The following ARHGEF18 variants were observed in gnomAD, a reference collection of about 807,000 sequenced individuals.
ARHGEF18 encodes the protein rho guanine nucleotide exchange factor 18.
ARHGEF18 carries 93 observed loss-of-function variants against 155.7 expected under a neutral mutation model. That is an observed-to-expected ratio of 0.60 (90% CI 0.50 to 0.71). The LOEUF is 0.71. ARHGEF18 is among the 30% of genes least tolerant of loss of function. ARHGEF18 has a pLI of 0.00. For synonymous variants in ARHGEF18, 742 were observed against 753.1 expected, an observed-to-expected ratio of 0.99 and a Z score of 0.24; for missense variants, 1,593 against 1,816.1, an observed-to-expected ratio of 0.88 and a Z score of 2.23.
In ARHGEF18 at chr19:7,464,436, G is replaced by A. The variant is rs967760836; in HGVS notation, c.2774-124G>A. On this transcript the variant is annotated intron_variant, in intron 22 of 28. Transcript: ENST00000668164. The stretch of plus-strand genomic sequence containing the variant: ...CCCCTCTCCAGCAGGCGTCTGTGCT[G>A]CAGACGCCACCATTCGGGCCTAGCC... 6.6e-5 allele frequency: 80 copies of A among 1,219,284 alleles called. No individual in the cohort carries two copies. The African/African-American group carries it at 9.4e-4, about 14-fold the overall frequency. 75.5% of individuals were successfully genotyped at this position (1,219,284 alleles called of 1,614,324 possible).
chr19:7,478,164 G>T, the ARHGEF18 span: 1 of 787,470 alleles, frequency 1.3e-6, no homozygotes, highest in Non-Finnish European at 2.0e-6. Flanking sequence ...TCTGTAAAAG[G>T]TACCGCCACC....
intron 10 of ARHGEF18, among the ~76,000 whole-genome samples, chr19:7,405,674 G>A (rs745425926): frequency 2.3e-4 from 35 of 151,634 alleles, no homozygotes; most frequent in Non-Finnish European, 3.7e-4. Flanking sequence ...GCAGTGGTGC[G>A]ATCATAGCTC....
intron 10 of ARHGEF18, chr19:7,394,982 C>T: frequency 1.1e-6 from 1 of 920,216 alleles, no homozygotes; most frequent in Non-Finnish European, 1.3e-6. Flanking sequence ...GCCGAGCCGA[C>T]GCCCCCTCAC....
intron 17 of ARHGEF18, among the ~76,000 whole-genome samples, chr19:7,455,788 C>A (rs144678732): frequency 3.3e-5 from 5 of 152,156 alleles, no homozygotes; most frequent in Non-Finnish European, 5.9e-5. Flanking sequence ...AGGAGCAAGT[C>A]AAGTCTTACA....
chr19:7,470,089 C>T lies in ARHGEF18; in HGVS notation c.3914-37C>T, dbSNP rs753118423. 1.6e-5 allele frequency: 25 copies of T among 1,611,444 alleles called. No homozygotes were observed. Among genetic ancestry groups the T allele is most frequent in the Non-Finnish European group, 2.0e-5 (23 of 1,179,270 alleles). ...AGGGCAGCGGGGCTGCGGCACCACC[C>T]GGCGACTGCTCAGTCTGAACCCTCT... On this transcript the variant is annotated intron_variant, in intron 28 of 28. Coordinates refer to ENST00000668164, the MANE Select transcript of ARHGEF18 (RefSeq NM_001367823.1). This position sits in a 1 kb window ranked among gnomAD's most constrained non-coding sequence, Gnocchi z 5.9.
At chr19:7,445,453 T>C (rs544581583) in intron 14 of ARHGEF18, among the ~76,000 whole-genome samples, 118 of 151,570 alleles carry the variant, frequency 7.8e-4, no homozygotes, top group Admixed American at 2.3e-3. Context: ...AATTTGGGAG[T>C]GGGGGAAAGC....
chr19:7,396,463 A>G (rs1041067478), intron 10 of ARHGEF18, among the ~76,000 whole-genome samples: 1 of 152,156 alleles, frequency 6.6e-6, no homozygotes, highest in Non-Finnish European at 1.5e-5. Context: ...CAAGCCTGTA[A>G]TCCCAGCACT....
rs371762360 is a variant in ARHGEF18 at position 7,430,355 on chromosome 19, C to A, written c.968-9989C>A. 2.4e-4 allele frequency among the ~76,000 whole-genome samples: 33 copies of A among 138,276 alleles called. No individual in the cohort carries two copies. The South Asian group carries it at 7.7e-3, about 32-fold the overall frequency. The allele number at this position is 138,276 out of a possible 152,430, so 90.7% of individuals were successfully genotyped here. A position where few individuals can be genotyped will look rare whatever the true frequency, so the allele number is the denominator to read the frequency against. ...TGCTCAGGACTACAGGCATACACTACCATGCCTGGCTAATTTTTTTTTTTT... is the reference window on the plus strand; with the variant it reads ...TGCTCAGGACTACAGGCATACACTAACATGCCTGGCTAATTTTTTTTTTTT... On this transcript the variant is annotated intron_variant, in intron 10 of 28. Transcript: ENST00000668164.
At position 7,441,985 on chromosome 19, in the gene ARHGEF18, C is replaced by T. The variant is rs138832196; in HGVS notation, c.1293C>T (p.Leu431=). The stretch of plus-strand genomic sequence containing the variant: ...AGTTTGAAGCTGAGTCCTGGAGCCT[C>T]GCCGTGGATGCAGCCTACGCCAAGA... ...GHEFEAESWS[L]AVDAAYAKKQ... is the part of the protein sequence containing the mutation. Residue 431 remains leucine, a synonymous_variant, in exon 13 of 29, where the codon CTC becomes CTT. Transcript: ENST00000668164. 8.7e-6 allele frequency: 14 copies of T among 1,613,978 alleles called. No individual in the cohort carries two copies. The highest frequency in any genetic ancestry group is 4.0e-5 in the African/African-American group (3 of 74,910).
chr19:7,445,695 C>T lies in ARHGEF18; in HGVS notation c.1611+1241C>T, dbSNP rs150411993. Among the ~76,000 whole-genome samples, 11 of 152,270 alleles carry T rather than the reference C, an allele frequency of 7.2e-5. No individual in the cohort carries two copies. In the East Asian group the frequency reaches 2.1e-3, roughly 29 times the overall value. On this transcript the variant is annotated intron_variant, in intron 14 of 28. Coordinates refer to ENST00000668164, the MANE Select transcript of ARHGEF18 (RefSeq NM_001367823.1). ...AGTGCAGTGGTGCAATGTCGGCTCA[C>T]TGCAACCTGCACCTCCCAGGTTCAA...
At chr19:7,353,517 G>A (rs999436104) in intron 1 of ARHGEF18, among the ~76,000 whole-genome samples, 5 of 150,756 alleles carry the variant, frequency 3.3e-5, no homozygotes, top group Admixed American at 2.7e-4. Flanking sequence ...TTGAACCCGG[G>A]AGGCAGAGGT....
intron 10 of ARHGEF18, among the ~76,000 whole-genome samples, chr19:7,413,436 G>C (rs1401210191): frequency 6.6e-6 from 1 of 151,912 alleles, no homozygotes; most frequent in Admixed American, 6.6e-5. Flanking sequence ...CAAGTAGCTG[G>C]GACTACAGGC....
chr19:7,413,294 C>CTTTTTTTTTTTT (rs71179106), intron 10 of ARHGEF18, among the ~76,000 whole-genome samples: 4 of 138,290 alleles, frequency 2.9e-5, no homozygotes, highest in Non-Finnish European at 3.1e-5. Flanking sequence ...AAACAAAAAG[C>CTTTTTTTTTTTT]TTTTTTTTTT....
intron 10 of ARHGEF18, among the ~76,000 whole-genome samples, chr19:7,385,939 CCT>C (rs1971037048): frequency 4.1e-5 from 3 of 73,440 alleles, no homozygotes; most frequent in African/African-American, 1.3e-4. Context: ...TCTCTCTCCC[CCT>C]CTCCCTCTCT....
At position 7,459,910 on chromosome 19, in the gene ARHGEF18, G is replaced by A. The variant is rs775402452; in HGVS notation, c.2368G>A (p.Asp790Asn). 1 of 1,577,294 alleles carries A rather than the reference G, an allele frequency of 6.3e-7. No individual in the cohort carries two copies. Residue 790 changes from aspartate (D) to asparagine (N), a missense_variant, in exon 20 of 29, where the codon GAC becomes AAC. Physicochemically the swap from Asp to Asn is conservative, Grantham distance 23. Coordinates refer to ENST00000668164, the MANE Select transcript of ARHGEF18 (RefSeq NM_001367823.1). Reference sequence around the variant, plus strand: ...CGACTCCTCTCCCTGCAGCTGCCCTGACGAGGAGGAGGGGCCCTTCAGCCT... The same window carrying A: ...CGACTCCTCTCCCTGCAGCTGCCCTAACGAGGAGGAGGGGCCCTTCAGCCT... The part of the protein sequence containing the change: ...HIQRAVESCP[D>N]EEEGPFSLPE...
intron 10 of ARHGEF18, among the ~76,000 whole-genome samples, chr19:7,428,120 C>T (rs1316592239): frequency 1.3e-5 from 2 of 152,062 alleles, no homozygotes; most frequent in Non-Finnish European, 2.9e-5. Flanking sequence ...TTCCTGCGGT[C>T]ATGTTGAGAA....
chr19:7,462,397 C>A lies in ARHGEF18; in HGVS notation c.2635+63C>A. 1 of 1,482,516 alleles carries A rather than the reference C, an allele frequency of 6.7e-7. No individual in the cohort carries two copies. The highest frequency in any genetic ancestry group is 2.4e-5 in the East Asian group (1 of 41,752). 91.8% of individuals were successfully genotyped at this position (1,482,516 alleles called of 1,614,324 possible). A position where few individuals can be genotyped will look rare whatever the true frequency, so the allele number is the denominator to read the frequency against. ...CCGGGGTGGGCTCCTCAGGGAACCC[C>A]AGGCCAGGCTCACGGCTCATTGTGG... On this transcript the variant is annotated intron_variant, in intron 21 of 28. Transcript: ENST00000668164. The surrounding 1 kb of genome is among the most constrained non-coding windows in gnomAD (Gnocchi z 4.4).
At chr19:7,407,819 C>T (rs113761077) in intron 10 of ARHGEF18, among the ~76,000 whole-genome samples, 7 of 151,886 alleles carry the variant, frequency 4.6e-5, no homozygotes, top group Non-Finnish European at 8.8e-5. Flanking sequence ...AAAAACTAGC[C>T]GGGCGTGGTG....
Position 7,367,866 on chromosome 19 carries a change from AT to A in ARHGEF18, c.16-4941del, listed in dbSNP as rs1207543438. ...TTTATATATATATATACACATATAT[AT>A]TTTTATATATATATATTTTATATAT... On this transcript the variant is annotated intron_variant, in intron 2 of 28. Coordinates refer to ENST00000668164, the MANE Select transcript of ARHGEF18 (RefSeq NM_001367823.1). Among the ~76,000 whole-genome samples the A allele has an allele frequency of 8.3e-4, 88 of 106,066 alleles. 13 individuals are homozygous for A. In the East Asian group the frequency reaches 0.017, roughly 21 times the overall value. 69.6% of individuals were successfully genotyped at this position (106,066 alleles called of 152,430 possible). A position where few individuals can be genotyped will look rare whatever the true frequency, so the allele number is the denominator to read the frequency against.
Sources: allele counts gnomAD v4.1 joint callset (sites outside exome capture counted in the v4.1 genomes callset), GRCh38; gene constraint gnomAD v4.1.1; non-coding constraint Gnocchi (gnomAD v3.1); transcripts MANE v1.5; gene names NCBI Gene and HGNC (gene_info 2026-07-23, HGNC 2026-07-21).